Variants in PPP1R12A observed in about 807,000 individuals in gnomAD.
PPP1R12A encodes the protein myosin binding subunit.
PPP1R12A carries 19 observed loss-of-function variants against 139.6 expected under a neutral mutation model. The observed-to-expected ratio is 0.14, with a 90% CI of 0.09 to 0.20. The LOEUF (loss-of-function observed/expected upper bound fraction) is 0.20, where lower values mean the gene tolerates loss of function less well. Among genes scored for constraint, PPP1R12A ranks in the 10% least tolerant of loss-of-function variants. The pLI is 1.00. For synonymous variants in PPP1R12A, 427 were observed against 420.6 expected, an observed-to-expected ratio of 1.02 and a Z score of -0.19; for missense variants, 925 against 1,211.5, an observed-to-expected ratio of 0.76 and a Z score of 3.51.
intron 1 of PPP1R12A, among the ~76,000 whole-genome samples, chr12:79,900,330 T>C (rs971537382): frequency 3.9e-5 from 6 of 152,190 alleles, no homozygotes; most frequent in African/African-American, 9.6e-5. Context: ...CACATGCATA[T>C]AGAAACATAC....
At chr12:79,790,538 T>A in intron 19 of PPP1R12A, 55 bp from the exon 20 acceptor site, 1 of 1,217,454 alleles carries the variant, frequency 8.2e-7, no homozygotes, top group South Asian at 1.7e-5. Context: ...TTCATTAAAC[T>A]ATTAACCTAT....
intron 9 of PPP1R12A, among the ~76,000 whole-genome samples, chr12:79,815,982 T>C (rs1489124380): frequency 6.4e-5 from 1 of 15,610 alleles, no homozygotes; most frequent in East Asian, 1.8e-3. Context: ...ACAGCAGGGA[T>C]TTTTTTTTTT....
At chr12:79,850,506 G>C (rs1879915460) in intron 2 of PPP1R12A, among the ~76,000 whole-genome samples, 1 of 152,128 alleles carries the variant, frequency 6.6e-6, no homozygotes, top group Admixed American at 6.5e-5. Flanking sequence ...AAAAATTTAA[G>C]AAAAACTTTG....
At chr12:79,927,178 T>TC in intron 1 of PPP1R12A, among the ~76,000 whole-genome samples, 1 of 152,056 alleles carries the variant, frequency 6.6e-6, no homozygotes, top group East Asian at 1.9e-4. Context: ...ACAGAGTCTG[T>TC]CACCCTGTCT....
intron 2 of PPP1R12A, among the ~76,000 whole-genome samples, chr12:79,864,016 C>T (rs1881676530): frequency 6.6e-6 from 1 of 152,166 alleles, no homozygotes; most frequent in Admixed American, 6.5e-5. Flanking sequence ...AACTCTCCAC[C>T]CCAAATCATC....
chr12:79,797,252 C>G lies in PPP1R12A; in HGVS notation c.2235G>C (p.Glu745Asp). Residue 745 changes from glutamate to aspartate, a missense_variant, in exon 16 of 25, where the codon GAG becomes GAC. Transcript: ENST00000450142. Reference protein sequence around the residue: ...QDKEKQEEKKESETSREDEYK... With the variant: ...QDKEKQEEKKDSETSREDEYK... Reference sequence around the variant, plus strand: ...ATTCATCTTCTCTAGATGTTTCTGACTCCTTCTTTTCTTCTTGTTTCTCTT... The same window carrying G: ...ATTCATCTTCTCTAGATGTTTCTGAGTCCTTCTTTTCTTCTTGTTTCTCTT... 4 of 1,589,026 alleles carry G rather than the reference C, an allele frequency of 2.5e-6. No homozygotes were observed. The highest frequency in any genetic ancestry group is 3.4e-6 in the Non-Finnish European group (4 of 1,166,600).
At chr12:79,899,231 AAAATATATATATATATATATATATAT>A (rs1251607649) in intron 1 of PPP1R12A, among the ~76,000 whole-genome samples, 16 of 122,704 alleles carry the variant, frequency 1.3e-4, no homozygotes, top group African/African-American at 4.5e-4. Context: ...AGAGATCTTA[AAAATATATATATATATATATATATAT>A]ATATATATAT....
At chr12:79,842,360 G>A (rs567199143) in intron 3 of PPP1R12A, among the ~76,000 whole-genome samples, 42 of 152,132 alleles carry the variant, frequency 2.8e-4, no homozygotes, top group Admixed American at 7.9e-4. Flanking sequence ...CTAATCCCAA[G>A]GAATAAAAAT....
At chr12:79,807,173 CTCA>C (rs1873940581) in intron 12 of PPP1R12A, 50 bp downstream of exon 12, 7 of 1,021,986 alleles carry the variant, frequency 6.8e-6, no homozygotes, top group South Asian at 1.6e-5. Flanking sequence ...AACAAATTGC[CTCA>C]TATTTTTATA....
chr12:79,897,135 G>A (rs1885200429), intron 1 of PPP1R12A, among the ~76,000 whole-genome samples: 1 of 152,088 alleles, frequency 6.6e-6, no homozygotes, highest in South Asian at 2.1e-4. Context: ...ATCAACCTAG[G>A]TGCCCATTAA....
At chr12:79,913,350 C>A (rs1045417209) in intron 1 of PPP1R12A, among the ~76,000 whole-genome samples, 1 of 152,186 alleles carries the variant, frequency 6.6e-6, no homozygotes, top group Non-Finnish European at 1.5e-5. Flanking sequence ...GATCTACAAT[C>A]CAACTGGAAT....
intron 2 of PPP1R12A, among the ~76,000 whole-genome samples, chr12:79,868,971 G>A (rs1882281312): frequency 6.6e-6 from 1 of 152,164 alleles, no homozygotes; most frequent in South Asian, 2.1e-4. Context: ...GAATGAAAAA[G>A]TCAAGGCAGT....
intron 22 of PPP1R12A, among the ~76,000 whole-genome samples, chr12:79,784,382 C>T (rs184694158): frequency 1.2e-4 from 19 of 152,230 alleles, no homozygotes; most frequent in Non-Finnish European, 2.5e-4. Flanking sequence ...GAAATTGGTA[C>T]CTGACCCACA....
rs542598688 is a variant in PPP1R12A at position 79,781,800 on chromosome 12, A to T, written c.2955+15T>A. On this transcript the variant is annotated intron_variant, in intron 23 of 24. Transcript: ENST00000450142. ...AGAAAGAAAAAAATAATTATTTAAT[A>T]AGTGGGACACTTACCCTTTTTTCCA... 127 of 1,451,768 alleles carry T rather than the reference A, an allele frequency of 8.7e-5. No homozygotes were observed. The South Asian group carries it at 1.3e-3, about 15-fold the overall frequency. The allele number at this position is 1,451,768 out of a possible 1,614,324, so 89.9% of individuals were successfully genotyped here. A position where few individuals can be genotyped will look rare whatever the true frequency, so the allele number is the denominator to read the frequency against.
At chr12:79,830,259 AT>A (rs982873135) in intron 4 of PPP1R12A, among the ~76,000 whole-genome samples, 1 of 151,886 alleles carries the variant, frequency 6.6e-6, no homozygotes, top group South Asian at 2.1e-4. Flanking sequence ...TACAATTTTA[AT>A]TTTTTTTACA....
chr12:79,811,274 A>G (rs1874495403), intron 9 of PPP1R12A, among the ~76,000 whole-genome samples: 1 of 152,232 alleles, frequency 6.6e-6, no homozygotes, highest in Non-Finnish European at 1.5e-5. Context: ...TTATAAAGAT[A>G]TACCTCTGGT....
intron 3 of PPP1R12A, among the ~76,000 whole-genome samples, chr12:79,835,144 ATACCTTTTTTCC>A (rs1179295513): frequency 1.3e-5 from 2 of 152,016 alleles, no homozygotes; most frequent in Non-Finnish European, 2.9e-5. Context: ...CAGGAGGAGG[ATACCTTTTTTCC>A]TCCTGCTTTT....
At chr12:79,832,514 T>G (rs745428502) in intron 3 of PPP1R12A, 23 bp from the exon 4 acceptor site, 1 of 1,547,426 alleles carries the variant, frequency 6.5e-7, no homozygotes, top group Non-Finnish European at 8.7e-7. Flanking sequence ...AAATAGTTCT[T>G]TTTATTTTTG....
intron 11 of PPP1R12A, among the ~76,000 whole-genome samples, chr12:79,807,585 G>C (rs115605474): frequency 6.6e-6 from 1 of 151,820 alleles, no homozygotes; most frequent in Admixed American, 6.6e-5. Context: ...ATAAAGTAGG[G>C]GAGATGCTTA....
Sources: allele counts gnomAD v4.1 joint callset (sites outside exome capture counted in the v4.1 genomes callset), GRCh38; gene constraint gnomAD v4.1.1; transcripts MANE v1.5; gene names NCBI Gene and HGNC (gene_info 2026-07-23, HGNC 2026-07-21).